The following FNDC3B variants were observed in gnomAD, a reference collection of about 807,000 sequenced individuals.
FNDC3B encodes fibronectin type III domain-containing protein 3B.
Under a neutral mutation model 151.5 loss-of-function variants are expected in FNDC3B, and 12 were observed. That is an observed-to-expected ratio of 0.08 (90% CI 0.05 to 0.13). The LOEUF is 0.13. Ranked by LOEUF, FNDC3B falls within the 10% of genes least tolerant of loss-of-function variation. FNDC3B has a pLI of 1.00. For missense variants in FNDC3B, 1,214 were observed against 1,505.3 expected (o/e 0.81, Z 3.20); for synonymous variants, 528 against 549.0 (o/e 0.96, Z 0.54).
chr3:172,380,894 A>G, intron 24 of FNDC3B, 72 bp from the exon 25 acceptor site: 2 of 1,546,532 alleles, frequency 1.3e-6, no homozygotes, highest in South Asian at 1.1e-5. Flanking sequence ...GTTCTCACTA[A>G]TAGTGCTAAA....
At chr3:172,222,322 CT>C (rs577669439) in intron 3 of FNDC3B, among the ~76,000 whole-genome samples, 72 of 152,274 alleles carry the variant, frequency 4.7e-4, no homozygotes, top group African/African-American at 1.7e-3. Context: ...TATAGCTGAT[CT>C]TTTTCTAAGA....
chr3:172,242,367 C>T (rs983723106), intron 4 of FNDC3B, among the ~76,000 whole-genome samples: 1 of 151,722 alleles, frequency 6.6e-6, no homozygotes, highest in Non-Finnish European at 1.5e-5. Context: ...TCTGCCCTAC[C>T]CTAGCAGAGG....
chr3:172,201,320 C>G (rs1452568566), intron 3 of FNDC3B, among the ~76,000 whole-genome samples: 1 of 152,154 alleles, frequency 6.6e-6, no homozygotes, highest in East Asian at 1.9e-4. Context: ...TCTCCAGACC[C>G]TGGAGTGTCT....
At chr3:172,253,772 G>A (rs936386808) in intron 6 of FNDC3B, among the ~76,000 whole-genome samples, 7 of 151,958 alleles carry the variant, frequency 4.6e-5, no homozygotes, top group Non-Finnish European at 7.4e-5. Context: ...GGCCAGAAGA[G>A]AGAAATCTTT....
At position 172,341,837 on chromosome 3, in the gene FNDC3B, G is replaced by A. The variant is rs527909861; in HGVS notation, c.1971+606G>A. Among the ~76,000 whole-genome samples, 87 of 152,146 alleles carry A rather than the reference G, an allele frequency of 5.7e-4. 1 individual carries two copies. Among genetic ancestry groups the A allele is most frequent in the Non-Finnish European group, 1.3e-4 (9 of 68,034 alleles). ...AGACTAACCTGTTAACATGTCAGGA[G>A]CCTTAGTTTCAACCACATAGTACTC... On this transcript the variant is annotated intron_variant, in intron 17 of 25. Transcript: ENST00000415807.
chr3:172,321,187 G>A (rs1209578432), intron 11 of FNDC3B, among the ~76,000 whole-genome samples: 1 of 152,178 alleles, frequency 6.6e-6, no homozygotes, highest in African/African-American at 2.4e-5. Flanking sequence ...GTTGACTCCT[G>A]TGGTTTTAGG....
At chr3:172,319,130 A>G (rs765599022) in intron 11 of FNDC3B, among the ~76,000 whole-genome samples, 1 of 152,194 alleles carries the variant, frequency 6.6e-6, no homozygotes, top group African/African-American at 2.4e-5. Context: ...AGGCTAAATT[A>G]TAAATCTCCT....
intron 3 of FNDC3B, among the ~76,000 whole-genome samples, chr3:172,188,828 G>A (rs189958207): frequency 5.9e-5 from 9 of 152,264 alleles, no homozygotes; most frequent in African/African-American, 2.2e-4. Context: ...CTTAAAGTGT[G>A]AAACTCTCAA....
chr3:172,360,763 GTC>G (rs918571938), intron 22 of FNDC3B, among the ~76,000 whole-genome samples: 6 of 151,998 alleles, frequency 3.9e-5, no homozygotes, highest in Non-Finnish European at 1.5e-5. Flanking sequence ...TATTTCTGGA[GTC>G]TCTATTCTCT....
At chr3:172,362,973 T>C in intron 23 of FNDC3B, 128 bp downstream of exon 23, 1 of 707,112 alleles carries the variant, frequency 1.4e-6, no homozygotes, top group Non-Finnish European at 2.4e-6. Context: ...TTCCTTTGAC[T>C]TGAGCCCTGC....
At chr3:172,376,866 GAAAGAAAAGAAAAGA>G (rs1405222570) in intron 23 of FNDC3B, among the ~76,000 whole-genome samples, 204 of 79,368 alleles carry the variant, frequency 2.6e-3, no homozygotes, top group African/African-American at 9.3e-3. Flanking sequence ...AAAAAAAAAA[GAAAGAAAAGAAAAGA>G]AAAAGAAAAG....
chr3:172,347,070 T>C, intron 20 of FNDC3B, 142 bp from the exon 21 acceptor site: 1 of 722,772 alleles, frequency 1.4e-6, no homozygotes, highest in Non-Finnish European at 2.2e-6. Flanking sequence ...TATATATATT[T>C]GTGATCGTGC....
At chr3:172,076,342 A>G (rs1280733865) in intron 1 of FNDC3B, among the ~76,000 whole-genome samples, 5 of 152,234 alleles carry the variant, frequency 3.3e-5, no homozygotes, top group Non-Finnish European at 5.9e-5. Context: ...AAATGTCTGC[A>G]TTCAGAGAGT....
intron 3 of FNDC3B, among the ~76,000 whole-genome samples, chr3:172,190,153 G>A (rs1347115430): frequency 6.6e-6 from 1 of 152,072 alleles, no homozygotes; most frequent in Non-Finnish European, 1.5e-5. Flanking sequence ...GAGTTCAGCC[G>A]ACTGGGAGTG....
chr3:172,301,056 G>A (rs1360630731), intron 9 of FNDC3B, among the ~76,000 whole-genome samples: 1 of 152,182 alleles, frequency 6.6e-6, no homozygotes, highest in Non-Finnish European at 1.5e-5. Context: ...TAATGGCTCT[G>A]TCATTTACTA....
intron 3 of FNDC3B, among the ~76,000 whole-genome samples, chr3:172,191,862 T>C (rs1724526310): frequency 6.6e-6 from 1 of 152,156 alleles, no homozygotes; most frequent in African/African-American, 2.4e-5. Context: ...TCTCAATCAA[T>C]TGACTGTAGC....
chr3:172,186,324 A>G (rs764945231), intron 3 of FNDC3B, among the ~76,000 whole-genome samples: 3 of 152,226 alleles, frequency 2.0e-5, no homozygotes, highest in Non-Finnish European at 1.5e-5. Flanking sequence ...ATAACATTTT[A>G]TAAGAAAAGA....
chr3:172,066,327 A>G (rs1346522053), intron 1 of FNDC3B, among the ~76,000 whole-genome samples: 2 of 152,222 alleles, frequency 1.3e-5, no homozygotes, highest in African/African-American at 4.8e-5. Context: ...TAAATTCCAC[A>G]TATGATCTTG....
At chr3:172,392,923 GTAT>G (rs1482809561) in intron 25 of FNDC3B, among the ~76,000 whole-genome samples, 2 of 143,846 alleles carry the variant, frequency 1.4e-5, no homozygotes, top group Non-Finnish European at 3.0e-5. Context: ...TCTTCTGCCT[GTAT>G]CCTGTATCTG....
Sources: allele counts gnomAD v4.1 joint callset (sites outside exome capture counted in the v4.1 genomes callset), GRCh38; gene constraint gnomAD v4.1.1; transcripts MANE v1.5; gene names NCBI Gene and HGNC (gene_info 2026-07-23, HGNC 2026-07-21).